Variants in MPRIP observed in about 807,000 individuals in gnomAD.
MPRIP encodes myosin phosphatase Rho-interacting protein.
MPRIP carries 59 observed loss-of-function variants against 234.9 expected under a neutral mutation model. The ratio of observed to expected loss-of-function variants is 0.25; its 90% CI spans 0.20 to 0.31. The LOEUF (loss-of-function observed/expected upper bound fraction) is 0.31, where lower values mean the gene tolerates loss of function less well. Among genes scored for constraint, MPRIP ranks in the 10% least tolerant of loss-of-function variants. The pLI, the probability that MPRIP is intolerant of heterozygous loss-of-function variation, is 1.00. For missense variants in MPRIP, 2,436 were observed against 3,071.0 expected (o/e 0.79, Z 4.89); for synonymous variants, 1,144 against 1,263.9 (o/e 0.91, Z 2.01).
chr17:17,087,268 A>G (rs566514225), intron 3 of MPRIP, among the ~76,000 whole-genome samples: 1 of 152,262 alleles, frequency 6.6e-6, no homozygotes, highest in South Asian at 2.1e-4. Flanking sequence ...AGATGTGGAC[A>G]AGCAGCCGGG....
chr17:17,081,675 A>G (rs1481242015), intron 3 of MPRIP, among the ~76,000 whole-genome samples: 1 of 152,186 alleles, frequency 6.6e-6, no homozygotes, highest in African/African-American at 2.4e-5. Flanking sequence ...TGGCTTCGGG[A>G]AGCCCTTTCT....
rs925382230 is a variant in MPRIP, at chr17:17,138,397, G to A, written c.1218G>A (p.Glu406=). 188 of 295,048 alleles carry A rather than the reference G, an allele frequency of 6.4e-4. 1 individual carries two copies. Among genetic ancestry groups the A allele is most frequent in the Non-Finnish European group, 1.3e-4 (20 of 159,570 alleles). The allele number at this position is 295,048 out of a possible 1,614,324, so 18.3% of individuals were successfully genotyped here. A position where few individuals can be genotyped will look rare whatever the true frequency, so the allele number is the denominator to read the frequency against. ...RRTRARSPGR[E]EVARLFGNER... is the part of the protein sequence containing the mutation. Reference sequence around the variant, plus strand: ...CTCGGGCCCGGAGCCCTGGCAGGGAGGAGGTGGCCCGTCTGTTTGGCAACG... The same window carrying A: ...CTCGGGCCCGGAGCCCTGGCAGGGAAGAGGTGGCCCGTCTGTTTGGCAACG... Residue 406 remains glutamate (E), a synonymous_variant, in exon 7 of 24, where the codon GAG becomes GAA. Transcript: ENST00000651222. This position sits in a 1 kb window ranked among gnomAD's most constrained non-coding sequence, Gnocchi z 5.8.
intron 16 of MPRIP, chr17:17,168,211 G>T: frequency 3.3e-6 from 1 of 299,356 alleles, no homozygotes; most frequent in Non-Finnish European, 6.5e-6. Flanking sequence ...CGGCCTCTCC[G>T]TGTTCCTGAG....
At chr17:17,124,826 A>C (rs142125892) in intron 3 of MPRIP, among the ~76,000 whole-genome samples, 29 of 152,308 alleles carry the variant, frequency 1.9e-4, no homozygotes, top group African/African-American at 5.8e-4. Flanking sequence ...CACCTGCACT[A>C]TGCCAGGATG....
chr17:17,143,823 C>T (rs891452321), intron 9 of MPRIP, among the ~76,000 whole-genome samples, 154 bp downstream of exon 9: 4 of 152,168 alleles, frequency 2.6e-5, no homozygotes, highest in African/African-American at 9.7e-5. Flanking sequence ...ACCCACAGGC[C>T]GTCGAACACA....
chr17:17,167,860 A>G lies in MPRIP; in HGVS notation c.6269A>G (p.Glu2090Gly). ...MREELGHKDL[E>G]GDAATLREKY... ...GAGGAGCTGGGACACAAGGACCTGG[A>G]GGGCGACGCGGCCACACTGCGTGAG... Residue 2090 changes from glutamate to glycine, a missense_variant, in exon 16 of 24, where the codon GAG (glutamate) becomes GGG (glycine). This residue lies in a region of MPRIP where 1,998 missense variants were observed against 2,520.3 expected (regional missense o/e 0.79). Coordinates refer to ENST00000651222, the MANE Select transcript of MPRIP (RefSeq NM_001364716.4). This position sits in a 1 kb window ranked among gnomAD's most constrained non-coding sequence, Gnocchi z 5.9. The G allele has an allele frequency of 5.4e-6, 7 of 1,304,182 alleles. No homozygotes were observed. The highest frequency in any genetic ancestry group is 7.1e-6 in the Non-Finnish European group (7 of 988,964). 80.8% of individuals were successfully genotyped at this position (1,304,182 alleles called of 1,614,324 possible). A position where few individuals can be genotyped will look rare whatever the true frequency, so the allele number is the denominator to read the frequency against.
chr17:17,131,423 C>T (rs1403819888), intron 4 of MPRIP, among the ~76,000 whole-genome samples, 194 bp from the exon 5 acceptor site: 3 of 152,232 alleles, frequency 2.0e-5, no homozygotes, highest in Admixed American at 2.0e-4. Flanking sequence ...GAGTCTGTGT[C>T]GTGTCCTGAG....
chr17:17,051,986 C>T (rs2088557047), intron 1 of MPRIP, among the ~76,000 whole-genome samples: 1 of 152,264 alleles, frequency 6.6e-6, no homozygotes, highest in South Asian at 2.1e-4. Context: ...TCCTTTGAAC[C>T]TCTACCTACT....
intron 3 of MPRIP, among the ~76,000 whole-genome samples, chr17:17,092,577 T>G (rs1388495392): frequency 6.6e-6 from 1 of 152,184 alleles, no homozygotes; most frequent in Admixed American, 6.5e-5. Flanking sequence ...CCTTGCTTGC[T>G]TCTATTCACG....
chr17:17,179,977 CT>C, intron 22 of MPRIP, 25 bp from the exon 23 acceptor site: 1 of 1,556,940 alleles, frequency 6.4e-7, no homozygotes, highest in Non-Finnish European at 8.8e-7. Context: ...GGTAACAGGT[CT>C]GTTTGTTTTC....
intron 3 of MPRIP, among the ~76,000 whole-genome samples, chr17:17,083,931 A>G (rs1481304084): frequency 1.5e-4 from 23 of 151,876 alleles, no homozygotes; most frequent in Admixed American, 1.5e-3. Flanking sequence ...TTTTAGTAGA[A>G]ACGGTTTCAT....
intron 12 of MPRIP, 50 bp downstream of exon 12, chr17:17,150,283 A>C (rs371284822): frequency 1.0e-5 from 14 of 1,359,108 alleles, no homozygotes; most frequent in African/African-American, 1.4e-5. Flanking sequence ...GCAGGGATGC[A>C]TGTCAGAGTG....
At chr17:17,182,998 A>C (rs1377451733) in intron 23 of MPRIP, 1 of 152,344 alleles carries the variant, frequency 6.6e-6, no homozygotes, top group Non-Finnish European at 1.5e-5. Flanking sequence ...TGCAAGACTG[A>C]CTGCTGTGAG....
chr17:17,156,110 C>G (rs780307096), intron 13 of MPRIP, among the ~76,000 whole-genome samples: 1 of 152,230 alleles, frequency 6.6e-6, no homozygotes, highest in Non-Finnish European at 1.5e-5. Context: ...CCAGCCAGGC[C>G]TGGGCTCGGT....
At chr17:17,044,608 G>A (rs1417232108) in intron 1 of MPRIP, among the ~76,000 whole-genome samples, 2 of 152,154 alleles carry the variant, frequency 1.3e-5, no homozygotes, top group Non-Finnish European at 2.9e-5. Flanking sequence ...TTCTGAGAGA[G>A]GTTTGTAAGT....
intron 1 of MPRIP, among the ~76,000 whole-genome samples, chr17:17,057,101 C>G (rs2088723129): frequency 6.6e-6 from 1 of 152,226 alleles, no homozygotes; most frequent in South Asian, 2.1e-4. Context: ...GGCCTGTGGC[C>G]ATTCTGTCAG....
intron 4 of MPRIP, among the ~76,000 whole-genome samples, chr17:17,129,340 C>T (rs1011921495): frequency 6.6e-6 from 1 of 152,156 alleles, no homozygotes; most frequent in African/African-American, 2.4e-5. Context: ...CCGGGGAGCC[C>T]CAGCACCTAC....
At chr17:17,069,300 A>C (rs2089135441) in intron 1 of MPRIP, among the ~76,000 whole-genome samples, 1 of 152,086 alleles carries the variant, frequency 6.6e-6, no homozygotes, top group Non-Finnish European at 1.5e-5. Context: ...TTTTCTTTTC[A>C]ACCTGCCTGT....
Position 17,087,731 on chromosome 17 carries a change from A to T in MPRIP, c.267+9655A>T, listed in dbSNP as rs116702574. ...GTGTCTGCCTGCGTAGACAGGGCAC[A>T]TGTTGGTTGGCTGGCGAATCAGGCA... On this transcript the variant is annotated intron_variant, in intron 3 of 23. Coordinates refer to ENST00000651222, the MANE Select transcript of MPRIP (RefSeq NM_001364716.4). Among the ~76,000 whole-genome samples, 986 of 152,302 alleles carry T rather than the reference A, an allele frequency of 6.5e-3. 14 individuals are homozygous for T. Among genetic ancestry groups the T allele is most frequent in the African/African-American group, 0.023 (957 of 41,560 alleles).
Sources: allele counts gnomAD v4.1 joint callset (sites outside exome capture counted in the v4.1 genomes callset), GRCh38; gene constraint gnomAD v4.1.1; regional missense constraint gnomAD v4.1.1; non-coding constraint Gnocchi (gnomAD v3.1); transcripts MANE v1.5; gene names NCBI Gene and HGNC (gene_info 2026-07-23, HGNC 2026-07-21).